Variants in TRIM66 observed in about 807,000 individuals in gnomAD.
TRIM66 encodes the protein tripartite motif containing 66.
TRIM66 carries 99 observed loss-of-function variants against 148.2 expected under a neutral mutation model. The ratio of observed to expected loss-of-function variants is 0.67; its 90% confidence interval spans 0.57 to 0.79. The LOEUF (loss-of-function observed/expected upper bound fraction) is 0.79. TRIM66 is among the 30% of genes least tolerant of loss of function. The pLI, the probability that TRIM66 is intolerant of heterozygous loss-of-function variation, is 0.00. For synonymous variants in TRIM66, 616 were observed against 635.9 expected (o/e 0.97, Z 0.47); for missense variants, 1,666 against 1,697.9 (o/e 0.98, Z 0.33).
intron 6 of TRIM66, among the ~76,000 whole-genome samples, chr11:8,655,559 G>A (rs560235605): frequency 2.2e-4 from 34 of 152,212 alleles, no homozygotes; most frequent in Admixed American, 1.4e-3. Flanking sequence ...AAGGCAGGAG[G>A]ATCACCTGAG....
At chr11:8,622,378 A>ATATATATATATATATATC (rs1565477353) in intron 18 of TRIM66, among the ~76,000 whole-genome samples, 1 of 128,126 alleles carries the variant, frequency 7.8e-6, no homozygotes, top group East Asian at 2.1e-4. Flanking sequence ...ATATATATAT[A>ATATATATATATATATATC]TATATCTCCT....
chr11:8,664,671 G>T (rs968856993), intron 6 of TRIM66, among the ~76,000 whole-genome samples: 4 of 152,070 alleles, frequency 2.6e-5, no homozygotes, highest in Admixed American at 2.0e-4. Context: ...AGTGAAAAAA[G>T]CCTTCTACCC....
In TRIM66 at chr11:8,617,994, T is replaced by C. The variant is rs1199312970; in HGVS notation, c.4129A>G (p.Arg1377Gly). 6.4e-7 allele frequency: 1 copy of C among 1,551,720 alleles called. No homozygotes were observed. Among genetic ancestry groups the C allele is most frequent in the East Asian group, 2.4e-5 (1 of 40,928 alleles). ...KRRRRHMENE[R>G]AKRMSFRLAN... The stretch of plus-strand genomic sequence containing the variant: ...AGGCGAAATGACATTCTTTTTGCTC[T>C]TTCATTCTCCTGAAAGAAAAATATA... Residue 1377 changes from arginine to glycine, a missense_variant, in exon 25 of 25, where the codon AGA becomes GGA. Physicochemically the swap from Arg to Gly is moderately radical, Grantham distance 125. Transcript: ENST00000646038.
chr11:8,651,161 C>T (rs1172105906), intron 7 of TRIM66, among the ~76,000 whole-genome samples: 2 of 152,204 alleles, frequency 1.3e-5, no homozygotes, highest in Non-Finnish European at 2.9e-5. Flanking sequence ...CTATGAATTC[C>T]TTGAATGTAG....
intron 13 of TRIM66, 132 bp downstream of exon 13, chr11:8,642,877 G>GTT: frequency 7.8e-6 from 2 of 256,296 alleles, no homozygotes; most frequent in Non-Finnish European, 1.4e-5. Flanking sequence ...AAGGTTTGCT[G>GTT]AATGATTCCA....
At chr11:8,644,494 C>T (rs372305497) in intron 12 of TRIM66, 15 of 443,268 alleles carry the variant, frequency 3.4e-5, no homozygotes, top group Middle Eastern at 3.3e-4. Context: ...TCCCTTCTAC[C>T]CTCAAACTTA....
intron 21 of TRIM66, 74 bp downstream of exon 21, chr11:8,620,372 A>G: frequency 6.5e-7 from 1 of 1,531,492 alleles, no homozygotes; most frequent in Non-Finnish European, 8.8e-7. Flanking sequence ...ATCCCCTCTC[A>G]AAGGCCTCAG....
chr11:8,680,609 G>A (rs546588330), intron 1 of TRIM66: 1 of 152,214 alleles, frequency 6.6e-6, no homozygotes, highest in African/African-American at 2.4e-5. Context: ...GAATAAAGGA[G>A]AAGGCACCAG....
rs1371861772 is a variant in TRIM66, at chr11:8,671,864, A to C, written c.262T>G (p.Leu88Val). 1.3e-6 allele frequency: 2 copies of C among 1,535,976 alleles called. No individual in the cohort carries two copies. The highest frequency in any genetic ancestry group is 2.4e-5 in the South Asian group (2 of 84,062). ...MGSHLLSCQHLLRKDCFQGLI... is the reference protein window; with the variant it reads ...MGSHLLSCQHVLRKDCFQGLI... ...CCCTGGAAGCAGTCCTTACGGAGCA[A>C]ATGCTGGCAGGATAGGAGATGAGAG... is the stretch of plus-strand genomic sequence containing the variant. The change falls in exon 6 of 25, where the codon TTG becomes GTG. Residue 88 changes from leucine to valine, a missense_variant. Physicochemically the swap from Leu to Val is conservative, Grantham distance 32. Transcript: ENST00000646038.
chr11:8,639,661 C>T lies in TRIM66; in HGVS notation c.2148+566G>A, dbSNP rs1470276159. On this transcript the variant is annotated intron_variant, in intron 14 of 24. Transcript: ENST00000646038. ...TACCTATAAAGCAGAGATGGTAATG[C>T]CTACCAAACAACATTGTTGGTAGGA... 2.6e-5 allele frequency among the ~76,000 whole-genome samples: 4 copies of T among 152,170 alleles called. No homozygotes were observed. In the East Asian group the frequency reaches 7.7e-4, roughly 29 times the overall value.
chr11:8,631,744 A>C (rs1259773198), intron 15 of TRIM66, among the ~76,000 whole-genome samples: 1 of 152,228 alleles, frequency 6.6e-6, no homozygotes, highest in Non-Finnish European at 1.5e-5. Flanking sequence ...AACTTTCCCA[A>C]GAAAACCATA....
chr11:8,646,322 G>C, intron 11 of TRIM66, 125 bp downstream of exon 11: 1 of 768,866 alleles, frequency 1.3e-6, no homozygotes, highest in Non-Finnish European at 2.2e-6. Flanking sequence ...AAAATACAGG[G>C]AGCAGCACAG....
chr11:8,672,094 A>G lies in TRIM66; in HGVS notation c.32T>C (p.Val11Ala), dbSNP rs2038965624. The G allele has an allele frequency of 2.0e-6, 3 of 1,524,392 alleles. No homozygotes were observed. Among genetic ancestry groups the G allele is most frequent in the South Asian group, 1.2e-5 (1 of 83,476 alleles). 94.4% of individuals were successfully genotyped at this position (1,524,392 alleles called of 1,614,324 possible). A position where few individuals can be genotyped will look rare whatever the true frequency, so the allele number is the denominator to read the frequency against. ...GCAGCGTGTAGAGCGAGCCAGCTCC[A>G]CTCCCTGTAAGTGAAGCACAAAGCA... The part of the protein sequence containing the change: MARLSFWSQG[V>A]ELARSTRCFS... Residue 11 changes from valine to alanine, a missense_variant, in exon 6 of 25, where the codon GTG (valine) becomes GCG (alanine). Physicochemically the swap from Val to Ala is moderately conservative, Grantham distance 64 (BLOSUM62 0). Transcript: ENST00000646038.
intron 18 of TRIM66, among the ~76,000 whole-genome samples, chr11:8,622,484 T>C (rs1173121954): frequency 6.6e-6 from 1 of 150,750 alleles, no homozygotes; most frequent in Non-Finnish European, 1.5e-5. Flanking sequence ...ATGTGGACTC[T>C]ACAGGTCCAC....
chr11:8,621,916 T>C (rs1286458646), intron 18 of TRIM66, 97 bp from the exon 19 acceptor site: 4 of 1,226,114 alleles, frequency 3.3e-6, no homozygotes, highest in Non-Finnish European at 4.4e-6. Context: ...TGATTAATAT[T>C]GAGTGTCAAC....
intron 15 of TRIM66, among the ~76,000 whole-genome samples, chr11:8,638,380 A>G (rs2036071986): frequency 6.6e-6 from 1 of 152,156 alleles, no homozygotes; most frequent in Admixed American, 6.5e-5. Context: ...CACAGAGTAC[A>G]TGTTCAATAA....
At chr11:8,660,148 T>A (rs1300476561) in intron 6 of TRIM66, among the ~76,000 whole-genome samples, 1 of 152,154 alleles carries the variant, frequency 6.6e-6, no homozygotes, top group Non-Finnish European at 1.5e-5. Context: ...ATCAAAAACC[T>A]TCAATGGCTC....
chr11:8,673,484 T>C (rs1055438013), intron 4 of TRIM66, among the ~76,000 whole-genome samples: 3 of 152,160 alleles, frequency 2.0e-5, no homozygotes, highest in East Asian at 1.9e-4. Context: ...ACACAAATAA[T>C]GTATTCTTGC....
chr11:8,636,725 T>G (rs2035912692), intron 15 of TRIM66, among the ~76,000 whole-genome samples: 1 of 152,208 alleles, frequency 6.6e-6, no homozygotes, highest in Non-Finnish European at 1.5e-5. Flanking sequence ...GTTTCTCCTC[T>G]GTACTATTCT....
Sources: gnomAD v4.1 joint callset for allele counts (sites outside exome capture counted in the v4.1 genomes callset) on GRCh38, gnomAD v4.1.1 for gene constraint, MANE v1.5 for transcripts, NCBI Gene and HGNC (gene_info 2026-07-23, HGNC 2026-07-21) for gene names.